CLINT1: variants seen among roughly 807,000 people sequenced by gnomAD.
CLINT1 encodes the protein clathrin interactor 1.
Under a neutral mutation model 70.4 loss-of-function variants are expected in CLINT1, and 15 were observed. The ratio of observed to expected loss-of-function variants is 0.21; its 90% CI spans 0.14 to 0.33. The LOEUF (loss-of-function observed/expected upper bound fraction) is 0.33, where lower values mean the gene tolerates loss of function less well. CLINT1 is among the 10% of genes least tolerant of loss of function. CLINT1 has a pLI of 1.00. For synonymous variants in CLINT1, 227 were observed against 254.7 expected, an observed-to-expected ratio of 0.89 and a Z score of 1.04; for missense variants, 615 against 778.1, an observed-to-expected ratio of 0.79 and a Z score of 2.49.
At position 157,786,786 on chromosome 5, in the gene CLINT1, A is replaced by G. The variant is rs1761740708; in HGVS notation, c.*860T>C. On this transcript the variant is annotated 3_prime_UTR_variant, in exon 12 of 12. Coordinates refer to ENST00000411809, the MANE Select transcript of CLINT1 (RefSeq NM_014666.4). ...GACACCCAAAAAAAAAATAAAATAA[A>G]TATTTTTCTGACTGTTCCTGACTTA... The G allele has an allele frequency of 6.6e-6, 1 of 152,310 alleles. No individual in the cohort carries two copies. The highest frequency in any genetic ancestry group is 1.5e-5 in the Non-Finnish European group (1 of 68,032). 9.4% of individuals were successfully genotyped at this position (152,310 alleles called of 1,614,324 possible). A position where few individuals can be genotyped will look rare whatever the true frequency, so the allele number is the denominator to read the frequency against.
rs1278430967 is a variant in CLINT1, at chr5:157,805,907, C to G, written c.901G>C (p.Asp301His). The change falls in exon 7 of 12, where the codon GAT (aspartate) becomes CAT (histidine). Residue 301 changes from aspartate to histidine, a missense_variant. Transcript: ENST00000411809. ...AHYTGDKASP[D>H]QNASTHTPQS... ...GGTGTGTGGGTTGAAGCATTCTGAT[C>G]TGGACTTGCTTTGTCCCCTGTGTAA... is the stretch of plus-strand genomic sequence containing the variant. The G allele has an allele frequency of 3.7e-6, 6 of 1,613,966 alleles. No individual in the cohort carries two copies. The highest frequency in any genetic ancestry group is 5.1e-6 in the Non-Finnish European group (6 of 1,179,874).
At chr5:157,816,602 C>A (rs1397526527) in intron 3 of CLINT1, 132 bp downstream of exon 3, 2 of 580,854 alleles carry the variant, frequency 3.4e-6, no homozygotes, top group Non-Finnish European at 6.0e-6. Context: ...AACAAATCTA[C>A]TTCTTTCATG....
chr5:157,848,711 G>C (rs1185718956), intron 1 of CLINT1, among the ~76,000 whole-genome samples: 1 of 152,154 alleles, frequency 6.6e-6, no homozygotes, highest in African/African-American at 2.4e-5. Context: ...GTCCAGGCTG[G>C]AGTGCAGTGA....
chr5:157,791,400 C>T (rs374421684), intron 10 of CLINT1, among the ~76,000 whole-genome samples: 3 of 152,202 alleles, frequency 2.0e-5, no homozygotes, highest in South Asian at 4.1e-4. Flanking sequence ...CTATCAAGTA[C>T]CAATTTGTTG....
At chr5:157,842,402 C>T (rs1368529686) in intron 1 of CLINT1, among the ~76,000 whole-genome samples, 1 of 152,220 alleles carries the variant, frequency 6.6e-6, no homozygotes, top group South Asian at 2.1e-4. Context: ...TGCAGTAAGC[C>T]GAGATCCGCC....
At chr5:157,812,935 T>C in intron 5 of CLINT1, 128 bp downstream of exon 5, 1 of 808,786 alleles carries the variant, frequency 1.2e-6, no homozygotes, top group South Asian at 1.9e-5. Flanking sequence ...GTACTGCGTG[T>C]ATTTTAGTAT....
chr5:157,822,951 AG>A (rs772497129), intron 1 of CLINT1, among the ~76,000 whole-genome samples: 43 of 152,348 alleles, frequency 2.8e-4, no homozygotes, highest in Non-Finnish European at 4.9e-4. Context: ...CTGCTAACAA[AG>A]GAATAAGGAG....
chr5:157,848,280 A>G (rs945329045), intron 1 of CLINT1, among the ~76,000 whole-genome samples: 107 of 151,402 alleles, frequency 7.1e-4, no homozygotes, highest in Non-Finnish European at 1.9e-4. Context: ...TATCTTTAGT[A>G]GAGATGGGGT....
intron 1 of CLINT1, among the ~76,000 whole-genome samples, chr5:157,841,012 A>T (rs1753155747): frequency 6.6e-6 from 1 of 152,232 alleles, no homozygotes; most frequent in Non-Finnish European, 1.5e-5. Flanking sequence ...ATGCAATCCC[A>T]GCACTTTGGA....
intron 1 of CLINT1, among the ~76,000 whole-genome samples, chr5:157,834,359 C>T (rs112780571): frequency 1.0e-4 from 15 of 143,000 alleles, no homozygotes; most frequent in African/African-American, 4.2e-4. Flanking sequence ...GGCAACAGAG[C>T]GATTAAAAAA....
chr5:157,816,730 A>G lies in CLINT1; in HGVS notation c.243+4T>C. The G allele has an allele frequency of 6.3e-7, 1 of 1,598,866 alleles. No homozygotes were observed. The highest frequency in any genetic ancestry group is 8.5e-7 in the Non-Finnish European group (1 of 1,170,078). ...AAGTAATTAAAGCAGACTTGTGTCC[A>G]TACCTTATAAACTCTTCTCCAATTC... On this transcript the variant is annotated splice_donor_region_variant and intron_variant, in intron 3 of 11. Coordinates refer to ENST00000411809, the MANE Select transcript of CLINT1 (RefSeq NM_014666.4).
chr5:157,857,756 G>C (rs1232961918), intron 1 of CLINT1, among the ~76,000 whole-genome samples: 1 of 152,156 alleles, frequency 6.6e-6, no homozygotes, highest in Non-Finnish European at 1.5e-5. Flanking sequence ...GTGCTCCTTA[G>C]GCACTCTATT....
At chr5:157,831,845 C>T (rs1042372298) in intron 1 of CLINT1, among the ~76,000 whole-genome samples, 6 of 152,082 alleles carry the variant, frequency 3.9e-5, no homozygotes, top group African/African-American at 1.4e-4. Context: ...GCGTACACCA[C>T]CATGTCCAGC....
At chr5:157,817,292 A>C in intron 2 of CLINT1, 151 bp downstream of exon 2, 1 of 545,824 alleles carries the variant, frequency 1.8e-6, no homozygotes, top group African/African-American at 1.9e-5. Flanking sequence ...TTTCCACATT[A>C]GTATCTGAAA....
At chr5:157,817,991 T>C (rs1221616894) in intron 1 of CLINT1, among the ~76,000 whole-genome samples, 1 of 152,222 alleles carries the variant, frequency 6.6e-6, no homozygotes, top group African/African-American at 2.4e-5. Context: ...ACAGTATCTA[T>C]ATCACATTTT....
Position 157,797,204 on chromosome 5 carries a change from C to T in CLINT1, c.1013-2232G>A, listed in dbSNP as rs370926867. Among the ~76,000 whole-genome samples, 30 of 152,114 alleles carry T rather than the reference C, an allele frequency of 2.0e-4. No homozygotes were observed. The East Asian group carries it at 4.8e-3, about 24-fold the overall frequency. ...GTAAGTTTGTTTTCTGTAAAGTAGT[C>T]CTTTATGTTAAAAACATTGGTCAAG... On this transcript the variant is annotated intron_variant, in intron 8 of 11. Transcript: ENST00000411809.
intron 1 of CLINT1, among the ~76,000 whole-genome samples, chr5:157,851,679 C>G (rs1753579694): frequency 7.0e-6 from 1 of 142,586 alleles, no homozygotes; most frequent in Non-Finnish European, 1.5e-5. Context: ...AGAGCAAGAC[C>G]CCGTCTCAAA....
intron 1 of CLINT1, among the ~76,000 whole-genome samples, chr5:157,831,660 C>T (rs970957012): frequency 1.9e-4 from 29 of 149,554 alleles, no homozygotes; most frequent in African/African-American, 6.9e-4. Flanking sequence ...TAAAAATAAA[C>T]TAGCTTTATC....
chr5:157,790,731 C>A, intron 10 of CLINT1: 1 of 420,358 alleles, frequency 2.4e-6, no homozygotes, highest in Non-Finnish European at 4.7e-6. Context: ...TTCCTGGTAC[C>A]ATTCAGACAC....
Sources: gnomAD v4.1 joint callset for allele counts (sites outside exome capture counted in the v4.1 genomes callset) on GRCh38, gnomAD v4.1.1 for gene constraint, MANE v1.5 for transcripts, NCBI Gene and HGNC (gene_info 2026-07-23, HGNC 2026-07-21) for gene names.